CYP4B1: variants seen among roughly 807,000 people sequenced by gnomAD.
The protein encoded by CYP4B1 is cytochrome P450 4B1.
CYP4B1 carries 45 observed loss-of-function variants against 54.0 expected under a neutral mutation model. The observed-to-expected ratio is 0.83, with a 90% CI of 0.66 to 1.07. The LOEUF (loss-of-function observed/expected upper bound fraction) is 1.07. Ranked by LOEUF, CYP4B1 falls within the 50% of genes least tolerant of loss-of-function variation. The probability of loss-of-function intolerance (pLI) is 0.00; values close to 1 mark genes in which losing one functional copy is unlikely to be tolerated. For synonymous variants in CYP4B1, 248 were observed against 247.5 expected, an observed-to-expected ratio of 1.00 and a Z score of -0.02; for missense variants, 656 against 655.4, an observed-to-expected ratio of 1.00 and a Z score of -0.01.
chr1:46,809,973 C>T (rs922824697), intron 1 of CYP4B1, among the ~76,000 whole-genome samples: 1 of 152,196 alleles, frequency 6.6e-6, no homozygotes, highest in Non-Finnish European at 1.5e-5. Context: ...CTCCAAAGGA[C>T]ATGTACCACC....
At chr1:46,800,329 CTT>C (rs1425075692) in intron 1 of CYP4B1, among the ~76,000 whole-genome samples, 4 of 138,364 alleles carry the variant, frequency 2.9e-5, no homozygotes, top group African/African-American at 9.3e-5. Context: ...CTCTCTCTCT[CTT>C]TCTTTCTTTC....
In CYP4B1 at chr1:46,799,172, C is replaced by T. The variant is rs1422161353; in HGVS notation, c.91C>T (p.His31Tyr). The change falls in exon 1 of 12, where the codon CAC becomes TAC. Residue 31 changes from histidine to tyrosine, a missense_variant. Coordinates refer to ENST00000371923, the MANE Select transcript of CYP4B1 (RefSeq NM_001099772.2). ...GGTCTTAGGCTTTCTCAAGCTCATC[C>T]ACCTGCTGCTGCGGAGGCAGACGTT... Reference protein sequence around the residue: ...ILVLGFLKLIHLLLRRQTLAK... With the variant: ...ILVLGFLKLIYLLLRRQTLAK... The T allele has an allele frequency of 5.6e-6, 9 of 1,612,826 alleles. No homozygotes were observed. Among genetic ancestry groups the T allele is most frequent in the Non-Finnish European group, 5.9e-6 (7 of 1,179,568 alleles).
At chr1:46,815,360 C>A in intron 8 of CYP4B1, 96 bp downstream of exon 8, 1 of 1,151,496 alleles carries the variant, frequency 8.7e-7, no homozygotes, top group Non-Finnish European at 1.2e-6. Flanking sequence ...GGTGAGGTGG[C>A]GGCTGCTATC....
In CYP4B1 at chr1:46,818,612, T is replaced by A; in HGVS notation, c.1356-19T>A. 6.2e-7 allele frequency: 1 copy of A among 1,613,514 alleles called. No homozygotes were observed. Among genetic ancestry groups the A allele is most frequent in the African/African-American group, 1.3e-5 (1 of 75,050 alleles). On this transcript the variant is annotated intron_variant, in intron 11 of 11. Transcript: ENST00000371923. ...TGGATGCTCCATTGCACGATGACTCTTTGTGCTGCTTGCTACAGGAACTGC... is the reference window on the plus strand; with the variant it reads ...TGGATGCTCCATTGCACGATGACTCATTGTGCTGCTTGCTACAGGAACTGC...
chr1:46,815,695 C>T (rs1036067185), intron 8 of CYP4B1, among the ~76,000 whole-genome samples: 1 of 152,168 alleles, frequency 6.6e-6, no homozygotes. Context: ...TTCCAGATGC[C>T]ATATCTCTCC....
intron 1 of CYP4B1, among the ~76,000 whole-genome samples, chr1:46,809,678 C>T (rs1253071444): frequency 6.6e-6 from 1 of 152,230 alleles, no homozygotes; most frequent in Non-Finnish European, 1.5e-5. Flanking sequence ...CCACAAACTC[C>T]AGAGCTTGGA....
chr1:46,808,723 G>T (rs1237454632), intron 1 of CYP4B1, among the ~76,000 whole-genome samples: 8 of 148,732 alleles, frequency 5.4e-5, no homozygotes, highest in African/African-American at 7.5e-5. Flanking sequence ...CCAACCCAAA[G>T]GTCCAACAAT....
At chr1:46,818,298 A>G in intron 11 of CYP4B1, 85 bp downstream of exon 11, 1 of 1,252,948 alleles carries the variant, frequency 8.0e-7, no homozygotes, top group Admixed American at 1.8e-5. Context: ...ATTAGAAGGT[A>G]CTCTGAATAA....
chr1:46,807,047 G>T (rs935336599), intron 1 of CYP4B1, among the ~76,000 whole-genome samples: 1 of 152,238 alleles, frequency 6.6e-6, no homozygotes, highest in African/African-American at 2.4e-5. Flanking sequence ...CAAGGCAGGT[G>T]CCTGGCAGGT....
intron 3 of CYP4B1, among the ~76,000 whole-genome samples, chr1:46,811,771 C>T (rs1679110310): frequency 6.6e-6 from 1 of 152,160 alleles, no homozygotes; most frequent in Non-Finnish European, 1.5e-5. Flanking sequence ...TTAGCCAAGG[C>T]CATATGCTTC....
intron 1 of CYP4B1, among the ~76,000 whole-genome samples, chr1:46,803,376 G>A (rs1221591493): frequency 6.6e-6 from 1 of 152,102 alleles, no homozygotes; most frequent in African/African-American, 2.4e-5. Flanking sequence ...GAGAGGCGTT[G>A]AGACCTCCAC....
At chr1:46,815,029 A>G in intron 7 of CYP4B1, 45 bp from the exon 8 acceptor site, 1 of 1,562,892 alleles carries the variant, frequency 6.4e-7, no homozygotes, top group East Asian at 2.3e-5. Context: ...CTTGTTACCC[A>G]CCTCCAATAC....
intron 4 of CYP4B1, 134 bp downstream of exon 4, chr1:46,812,757 C>A: frequency 9.8e-7 from 1 of 1,022,366 alleles, no homozygotes; most frequent in Non-Finnish European, 1.4e-6. Context: ...CCTGTTCTGC[C>A]TGCAACAGCA....
chr1:46,806,948 A>G (rs1361790531), intron 1 of CYP4B1: 2 of 152,178 alleles, frequency 1.3e-5, no homozygotes, highest in African/African-American at 2.4e-5. Flanking sequence ...CACAGGGAGG[A>G]TGCCTCAGCC....
In CYP4B1 at chr1:46,818,827, TG is replaced by T; in HGVS notation, c.*17del. ...GTCTGGGAAGTAGCTCTGATGAGAA[TG>T]GGGTCCCAGATGGCTCAGGCTGTGA... On this transcript the variant is annotated 3_prime_UTR_variant, in exon 12 of 12. Transcript: ENST00000371923. 6.2e-7 allele frequency: 1 copy of T among 1,613,708 alleles called. No homozygotes were observed. The highest frequency in any genetic ancestry group is 1.1e-5 in the South Asian group (1 of 91,034).
chr1:46,805,939 T>A (rs1890252), intron 1 of CYP4B1, among the ~76,000 whole-genome samples: 149,890 of 152,262 alleles, frequency 0.98, 73,782 homozygotes, highest in East Asian at 1. Flanking sequence ...AGGAGAGCAG[T>A]CCTAGGGGGT....
intron 4 of CYP4B1, among the ~76,000 whole-genome samples, 177 bp downstream of exon 4, chr1:46,812,800 C>T (rs1385541707): frequency 6.6e-6 from 1 of 152,186 alleles, no homozygotes; most frequent in African/African-American, 2.4e-5. Context: ...ACATGTGCCG[C>T]AGGCTGCCAC....
rs749294777 is a variant in CYP4B1, at chr1:46,818,660, G to A, written c.1385G>A (p.Ser462Asn). The A allele has an allele frequency of 5.0e-6, 8 of 1,614,094 alleles. No individual in the cohort carries two copies. Among genetic ancestry groups the A allele is most frequent in the Non-Finnish European group, 6.8e-6 (8 of 1,180,038 alleles). ...TGCATTGGGCAGCAGTTTGCCATGA[G>A]TGAGATGAAGGTGGTCACAGCCATG... The part of the protein sequence containing the change: ...RNCIGQQFAM[S>N]EMKVVTAMCL... The change falls in exon 12 of 12, where the codon AGT becomes AAT. Residue 462 changes from serine to asparagine, a missense_variant. Ser to Asn is a conservative substitution (Grantham distance 46). Transcript: ENST00000371923.
chr1:46,802,449 C>T (rs749163333), intron 1 of CYP4B1, among the ~76,000 whole-genome samples: 7 of 152,132 alleles, frequency 4.6e-5, no homozygotes, highest in Admixed American at 1.3e-4. Context: ...TCATTTTTAC[C>T]TTACTGGGTT....
Sources: gnomAD v4.1 joint callset for allele counts (sites outside exome capture counted in the v4.1 genomes callset) on GRCh38, gnomAD v4.1.1 for gene constraint, MANE v1.5 for transcripts, NCBI Gene and HGNC (gene_info 2026-07-23, HGNC 2026-07-21) for gene names.